Variants in FOXN3 observed in about 807,000 individuals in gnomAD.
FOXN3 encodes forkhead box protein N3.
A neutral mutation model predicts 38.4 loss-of-function variants in FOXN3; 7 were observed. The ratio of observed to expected loss-of-function variants is 0.18; its 90% CI spans 0.10 to 0.34. FOXN3 has a LOEUF of 0.34. Ranked by LOEUF, FOXN3 falls within the 10% of genes least tolerant of loss-of-function variation. The pLI is 1.00. For synonymous variants in FOXN3, 230 were observed against 242.2 expected, an observed-to-expected ratio of 0.95 and a Z score of 0.47; for missense variants, 456 against 613.4, an observed-to-expected ratio of 0.74 and a Z score of 2.71.
chr14:89,483,468 G>A (rs750613573), intron 1 of FOXN3, among the ~76,000 whole-genome samples: 28 of 152,152 alleles, frequency 1.8e-4, no homozygotes, highest in Non-Finnish European at 4.0e-4. Flanking sequence ...GAATGCAATA[G>A]CGCGATCTCG....
At chr14:89,275,550 T>C (rs977977180) in intron 4 of FOXN3, among the ~76,000 whole-genome samples, 4 of 152,228 alleles carry the variant, frequency 2.6e-5, no homozygotes, top group African/African-American at 7.2e-5. Context: ...CCAGTGTTCC[T>C]TCCACTATAA....
chr14:89,292,447 G>C (rs1186828146), intron 3 of FOXN3, among the ~76,000 whole-genome samples: 1 of 152,154 alleles, frequency 6.6e-6, no homozygotes, highest in Non-Finnish European at 1.5e-5. Context: ...GCTATGGTTT[G>C]CATGTGTCCC....
chr14:89,213,671 G>A (rs1884172126), intron 4 of FOXN3, among the ~76,000 whole-genome samples: 1 of 152,182 alleles, frequency 6.6e-6, no homozygotes. Context: ...CTACTGGTTT[G>A]AGGACATGAG....
At chr14:89,464,417 T>C (rs1405623265) in intron 1 of FOXN3, among the ~76,000 whole-genome samples, 1 of 152,176 alleles carries the variant, frequency 6.6e-6, no homozygotes, top group Non-Finnish European at 1.5e-5. Flanking sequence ...CACATGACCA[T>C]GGTATCAAGC....
rs55685369 is a variant in FOXN3, at chr14:89,543,259, T to C, written c.-15+75769A>G. Among the ~76,000 whole-genome samples, 1,363 of 152,272 alleles carry C rather than the reference T, an allele frequency of 9.0e-3. 8 individuals are homozygous for C. The highest frequency in any genetic ancestry group is 0.011 in the Non-Finnish European group (723 of 68,018). On this transcript the variant is annotated intron_variant, in intron 1 of 6. Coordinates refer to the FOXN3 transcript ENST00000345097. ...CCCCCTTCAACTTGGATGCTCACGG[T>C]CCACACCCATTGCCTGTGAGGTAGT...
chr14:89,231,575 T>C (rs1884809280), intron 4 of FOXN3, among the ~76,000 whole-genome samples: 1 of 152,082 alleles, frequency 6.6e-6, no homozygotes, highest in East Asian at 1.9e-4. Context: ...CAGAGGAGTG[T>C]GGTTCTGTTG....
chr14:89,537,630 G>T (rs1894716339), intron 1 of FOXN3, among the ~76,000 whole-genome samples: 3 of 152,240 alleles, frequency 2.0e-5, no homozygotes. Context: ...CCAACCTCTT[G>T]TTGGGGCATC....
intron 1 of FOXN3, among the ~76,000 whole-genome samples, chr14:89,446,905 T>C (rs1152389): frequency 1 from 152,360 of 152,360 alleles, 76,180 homozygotes; most frequent in Non-Finnish European, 1. Flanking sequence ...TTCCTTAAAA[T>C]GAATTCCTGG....
At chr14:89,363,795 G>C (rs1401550285) in intron 2 of FOXN3, among the ~76,000 whole-genome samples, 2 of 151,706 alleles carry the variant, frequency 1.3e-5, no homozygotes, top group East Asian at 3.9e-4. Flanking sequence ...TGTAAGGAAG[G>C]AAGGCCAGGT....
intron 2 of FOXN3, among the ~76,000 whole-genome samples, chr14:89,378,838 C>T (rs1338739416): frequency 3.9e-5 from 6 of 151,968 alleles, no homozygotes; most frequent in African/African-American, 1.4e-4. Context: ...TCCCGAGTAC[C>T]TGGGATTACA....
chr14:89,616,219 G>A (rs1215850608), intron 1 of FOXN3, among the ~76,000 whole-genome samples: 1 of 152,012 alleles, frequency 6.6e-6, no homozygotes, highest in Non-Finnish European at 1.5e-5. Context: ...TGGAGGCTAG[G>A]GGGAGGGGAG....
At chr14:89,372,055 A>C (rs553567378) in intron 2 of FOXN3, among the ~76,000 whole-genome samples, 94 of 152,202 alleles carry the variant, frequency 6.2e-4, no homozygotes, top group Middle Eastern at 3.4e-3. Context: ...TGAGTGTGCC[A>C]TCTGTCTTCT....
At chr14:89,255,473 G>T (rs1014647031) in intron 4 of FOXN3, among the ~76,000 whole-genome samples, 8 of 152,076 alleles carry the variant, frequency 5.3e-5, no homozygotes, top group Admixed American at 4.6e-4. Flanking sequence ...CTCTAGGAAT[G>T]GCGAGAACAA....
At chr14:89,386,136 G>T (rs1030381078) in intron 2 of FOXN3, among the ~76,000 whole-genome samples, 1 of 152,228 alleles carries the variant, frequency 6.6e-6, no homozygotes, top group Non-Finnish European at 1.5e-5. Flanking sequence ...ACACGGGGGA[G>T]CTCGGGAGGG....
At chr14:89,510,191 T>C (rs1367398774) in intron 1 of FOXN3, among the ~76,000 whole-genome samples, 1 of 152,092 alleles carries the variant, frequency 6.6e-6, no homozygotes, top group Non-Finnish European at 1.5e-5. Context: ...CTCAGGGAAG[T>C]TGAGTGACTT....
intron 1 of FOXN3, among the ~76,000 whole-genome samples, chr14:89,444,139 A>C (rs1219931601): frequency 6.6e-6 from 1 of 151,762 alleles, no homozygotes; most frequent in Non-Finnish European, 1.5e-5. Context: ...TGGGAGAGAG[A>C]GGTGGAGATG....
At chr14:89,239,520 T>C (rs959931252) in intron 4 of FOXN3, among the ~76,000 whole-genome samples, 5 of 152,202 alleles carry the variant, frequency 3.3e-5, no homozygotes, top group Admixed American at 1.3e-4. Context: ...AAGAAAATTA[T>C]AGAGTCACAA....
chr14:89,249,448 G>C (rs987418439), intron 4 of FOXN3, among the ~76,000 whole-genome samples: 2 of 152,210 alleles, frequency 1.3e-5, no homozygotes, highest in Non-Finnish European at 2.9e-5. Context: ...AATGCTGAGA[G>C]GGCAAGTCAG....
At chr14:89,288,704 CTCTCTCTCTCTCTCTCTCTCTATA>C (rs1886736890) in intron 3 of FOXN3, among the ~76,000 whole-genome samples, 6 of 93,882 alleles carry the variant, frequency 6.4e-5, no homozygotes, top group African/African-American at 1.7e-4. Flanking sequence ...CTCTCTCTCT[CTCTCTCTCTCTCTCTCTCTCTATA>C]TATATATATA....
Sources: gnomAD v4.1 joint callset for allele counts (sites outside exome capture counted in the v4.1 genomes callset) on GRCh38, gnomAD v4.1.1 for gene constraint, MANE v1.5 for transcripts, NCBI Gene and HGNC (gene_info 2026-07-23, HGNC 2026-07-21) for gene names.